PRUNE2: variants seen among roughly 807,000 people sequenced by gnomAD.
PRUNE2 encodes prune homolog 2 with BCH domain.
Under a neutral mutation model 252.0 loss-of-function variants are expected in PRUNE2, and 164 were observed. That is an observed-to-expected ratio of 0.65 (90% CI 0.57 to 0.74). PRUNE2 has a LOEUF of 0.74. PRUNE2 is among the 30% of genes least tolerant of loss of function. The pLI, the probability that PRUNE2 is intolerant of heterozygous loss-of-function variation, is 0.00. For missense variants in PRUNE2, 3,495 were observed against 3,711.0 expected, an observed-to-expected ratio of 0.94 and a Z score of 1.51; for synonymous variants, 1,292 against 1,350.2, an observed-to-expected ratio of 0.96 and a Z score of 0.94.
At chr9:76,720,017 A>G (rs2047492256) in intron 6 of PRUNE2, among the ~76,000 whole-genome samples, 2 of 152,240 alleles carry the variant, frequency 1.3e-5, no homozygotes, top group Non-Finnish European at 2.9e-5. Context: ...TAACTGGATT[A>G]TTACTTTAAT....
In PRUNE2 at chr9:76,655,157, A is replaced by G. The variant is rs545145607; in HGVS notation, c.8356+266T>C. On this transcript the variant is annotated intron_variant, in intron 10 of 18. Transcript: ENST00000376718. ...AATTTGGTACAATATACAGTAGCCA[A>G]TTATCACAGGAACTGAAAACATTGG... 3.9e-5 allele frequency among the ~76,000 whole-genome samples: 6 copies of G among 152,312 alleles called. No individual in the cohort carries two copies. In the South Asian group the frequency reaches 8.3e-4, roughly 21 times the overall value.
At chr9:76,644,361 G>A (rs1370498338) in intron 12 of PRUNE2, 6 of 236,870 alleles carry the variant, frequency 2.5e-5, no homozygotes, top group Admixed American at 1.0e-4. Context: ...GAAGCACCTC[G>A]GGGGTAGTGT....
At chr9:76,789,803 G>A (rs1181637397) in intron 6 of PRUNE2, among the ~76,000 whole-genome samples, 1 of 152,078 alleles carries the variant, frequency 6.6e-6, no homozygotes, top group African/African-American at 2.4e-5. Flanking sequence ...TGACAACCAG[G>A]AATTATTGTC....
At chr9:76,687,885 A>G (rs557269134) in intron 9 of PRUNE2, among the ~76,000 whole-genome samples, 35 of 152,346 alleles carry the variant, frequency 2.3e-4, no homozygotes, top group African/African-American at 8.4e-4. Flanking sequence ...GTTCCTCCAG[A>G]TGCGGGGGTA....
intron 1 of PRUNE2, among the ~76,000 whole-genome samples, chr9:76,892,779 T>C (rs2062563811): frequency 6.6e-6 from 1 of 152,232 alleles, no homozygotes; most frequent in East Asian, 1.9e-4. Context: ...GTTTTAATTT[T>C]TTCTTTTTAT....
intron 9 of PRUNE2, among the ~76,000 whole-genome samples, chr9:76,669,184 C>T (rs1280316241): frequency 6.6e-6 from 1 of 152,054 alleles, no homozygotes; most frequent in African/African-American, 2.4e-5. Flanking sequence ...AAATCTACTA[C>T]TGTCCATGGG....
chr9:76,697,622 G>A (rs1181794997), intron 9 of PRUNE2, among the ~76,000 whole-genome samples: 4 of 152,326 alleles, frequency 2.6e-5, no homozygotes, highest in Admixed American at 6.5e-5. Flanking sequence ...GCCTTTCAAC[G>A]AGATAACGGG....
chr9:76,839,022 T>C (rs2059231591), intron 4 of PRUNE2, among the ~76,000 whole-genome samples: 2 of 152,176 alleles, frequency 1.3e-5, no homozygotes, highest in Non-Finnish European at 2.9e-5. Flanking sequence ...AAAGAAATGC[T>C]TGCAAAACAC....
At chr9:76,809,919 A>G (rs1200632335) in intron 6 of PRUNE2, among the ~76,000 whole-genome samples, 2 of 152,206 alleles carry the variant, frequency 1.3e-5, no homozygotes, top group Non-Finnish European at 2.9e-5. Flanking sequence ...GGACACATCA[A>G]CTGGTCAGAT....
At chr9:76,814,288 G>C (rs181558956) in intron 6 of PRUNE2, among the ~76,000 whole-genome samples, 117 of 152,296 alleles carry the variant, frequency 7.7e-4, no homozygotes, top group Middle Eastern at 6.8e-3. Flanking sequence ...TGAGACACCT[G>C]AGGTTAGGTC....
At chr9:76,781,959 A>T (rs1425751733) in intron 6 of PRUNE2, among the ~76,000 whole-genome samples, 1 of 152,122 alleles carries the variant, frequency 6.6e-6, no homozygotes, top group Non-Finnish European at 1.5e-5. Flanking sequence ...TCACGCCTGT[A>T]ATCCCAGCAC....
chr9:76,897,528 CT>C (rs753445109), intron 1 of PRUNE2, among the ~76,000 whole-genome samples: 1 of 150,608 alleles, frequency 6.6e-6, no homozygotes, highest in Non-Finnish European at 1.5e-5. Context: ...ATTCCCCTGC[CT>C]CAGCCTCCCA....
At chr9:76,896,471 G>A (rs1176664221) in intron 1 of PRUNE2, among the ~76,000 whole-genome samples, 44 of 152,178 alleles carry the variant, frequency 2.9e-4, no homozygotes, top group Admixed American at 2.8e-3. Context: ...GGAAGTGACC[G>A]TGGACATAAG....
At chr9:76,766,009 C>T (rs536706948) in intron 6 of PRUNE2, among the ~76,000 whole-genome samples, 7 of 151,958 alleles carry the variant, frequency 4.6e-5, no homozygotes, top group African/African-American at 1.2e-4. Flanking sequence ...GATGAAACCC[C>T]GTCTCTACTA....
intron 6 of PRUNE2, chr9:76,784,130 TGCCCGGCCGC>T (rs1395729488): frequency 6.6e-6 from 1 of 152,218 alleles, no homozygotes; most frequent in Non-Finnish European, 1.5e-5. Context: ...CTGGGAGAAA[TGCCCGGCCGC>T]CATCTTGGGT....
At chr9:76,894,435 C>A (rs2062686386) in intron 1 of PRUNE2, among the ~76,000 whole-genome samples, 1 of 152,202 alleles carries the variant, frequency 6.6e-6, no homozygotes, top group East Asian at 1.9e-4. Context: ...AGGGACACTG[C>A]CTTCTCAGGG....
intron 12 of PRUNE2, 90 bp from the exon 13 acceptor site, chr9:76,638,378 A>C: frequency 1.2e-6 from 1 of 858,500 alleles, no homozygotes; most frequent in South Asian, 1.4e-5. Flanking sequence ...AAGCCTTGGC[A>C]AGTGTGTCTT....
At chr9:76,814,261 T>C (rs1190430748) in intron 6 of PRUNE2, among the ~76,000 whole-genome samples, 1 of 152,204 alleles carries the variant, frequency 6.6e-6, no homozygotes, top group Non-Finnish European at 1.5e-5. Flanking sequence ...TAACAGAATA[T>C]GCTGGTAGTG....
intron 9 of PRUNE2, among the ~76,000 whole-genome samples, chr9:76,690,262 G>A (rs2044567897): frequency 6.6e-6 from 1 of 152,168 alleles, no homozygotes; most frequent in Admixed American, 6.5e-5. Flanking sequence ...GTAAGGAATT[G>A]AGAAACCATC....
Sources: gnomAD v4.1 joint callset for allele counts (sites outside exome capture counted in the v4.1 genomes callset) on GRCh38, gnomAD v4.1.1 for gene constraint, MANE v1.5 for transcripts, NCBI Gene and HGNC (gene_info 2026-07-23, HGNC 2026-07-21) for gene names.